Variants in KIAA1549 observed in about 807,000 individuals in gnomAD.
The protein encoded by KIAA1549 is KIAA1549, also known as UPF0606 protein KIAA1549.
A neutral mutation model predicts 156.4 loss-of-function variants in KIAA1549; 70 were observed. The ratio of observed to expected loss-of-function variants is 0.45; its 90% CI spans 0.37 to 0.55. KIAA1549 has a LOEUF of 0.55. Among genes scored for constraint, KIAA1549 ranks in the 20% least tolerant of loss-of-function variants. The pLI is 0.00. For synonymous variants in KIAA1549, 1,103 were observed against 1,066.4 expected, an observed-to-expected ratio of 1.03 and a Z score of -0.67; for missense variants, 2,428 against 2,540.9, an observed-to-expected ratio of 0.96 and a Z score of 0.96.
intron 5 of KIAA1549, among the ~76,000 whole-genome samples, chr7:138,907,672 C>T (rs1177755067): frequency 1.2e-4 from 19 of 152,134 alleles, no homozygotes; most frequent in African/African-American, 3.1e-4. Context: ...CTTCCTCCTC[C>T]GTCCTTCCTA....
intron 15 of KIAA1549, among the ~76,000 whole-genome samples, chr7:138,864,468 T>C (rs1810677165): frequency 6.6e-6 from 1 of 152,228 alleles, no homozygotes; most frequent in South Asian, 2.1e-4. Context: ...CTCCTCATTT[T>C]GCAGGCGAGA....
At chr7:138,876,481 A>C (rs1052526945) in intron 12 of KIAA1549, 1 of 152,242 alleles carries the variant, frequency 6.6e-6, no homozygotes, top group Non-Finnish European at 1.5e-5. Flanking sequence ...GCTCCTTAGC[A>C]CATGCAAAAG....
At position 138,916,814 on chromosome 7, in the gene KIAA1549, G is replaced by A. The variant is rs746434301; in HGVS notation, c.2812C>T (p.Leu938=). The part of the protein sequence containing the change: ...TLEATVDTPT[L]ATAKPPYVCD... ...ACATATGGCGGCTTGGCAGTAGCCA[G>A]TGTTGGTGTGTCGACTGTTGCTTCG... Residue 938 remains leucine, a synonymous_variant, in exon 2 of 20, where the codon CTG becomes TTG. Transcript: ENST00000422774. 1 of 1,614,014 alleles carries A rather than the reference G, an allele frequency of 6.2e-7. No individual in the cohort carries two copies.
At position 138,844,486 on chromosome 7, in the gene KIAA1549, G is replaced by C; in HGVS notation, c.5295-12C>G. ...GGCCAAAACCTGGTCTGAAGGCAAA[G>C]CAAACCAGCACATCAGGACTCCACT... On this transcript the variant is annotated splice_polypyrimidine_tract_variant and intron_variant, in intron 17 of 19. Transcript: ENST00000422774. 2.0e-6 allele frequency: 3 copies of C among 1,520,944 alleles called. No homozygotes were observed. The highest frequency in any genetic ancestry group is 2.6e-6 in the Non-Finnish European group (3 of 1,137,346). The allele number at this position is 1,520,944 out of a possible 1,614,324, so 94.2% of individuals were successfully genotyped here.
At chr7:138,862,228 C>T (rs1311095580) in intron 15 of KIAA1549, among the ~76,000 whole-genome samples, 1 of 152,088 alleles carries the variant, frequency 6.6e-6, no homozygotes, top group African/African-American at 2.4e-5. Flanking sequence ...GGTGCAGTGG[C>T]TCACACCTGT....
intron 1 of KIAA1549, among the ~76,000 whole-genome samples, chr7:138,923,518 T>G (rs969977859): frequency 6.6e-6 from 1 of 151,944 alleles, no homozygotes; most frequent in African/African-American, 2.4e-5. Context: ...GAGAATCACA[T>G]GAACCCGGGA....
chr7:138,958,500 G>T (rs1380041436), intron 1 of KIAA1549, among the ~76,000 whole-genome samples: 1 of 152,192 alleles, frequency 6.6e-6, no homozygotes, highest in African/African-American at 2.4e-5. Context: ...CAGGGCCACA[G>T]AAGTGGAAAC....
rs757022718 is a variant in KIAA1549, at chr7:138,861,288, G to A, written c.5098C>T (p.Pro1700Ser). Residue 1700 changes from proline to serine, a missense_variant, in exon 16 of 20, where the codon CCC becomes TCC. Pro to Ser is a moderately conservative substitution (Grantham distance 74). Transcript: ENST00000422774. ...LLDDAFALVA[P>S]SSQPASTAGV... is the part of the protein sequence containing the mutation. ...GCGGTGCTGGCAGGCTGGCTGCTGGGGGCCACGAGGGCAAAGGCGTCGTCC... is the reference window on the plus strand; with the variant it reads ...GCGGTGCTGGCAGGCTGGCTGCTGGAGGCCACGAGGGCAAAGGCGTCGTCC... The A allele has an allele frequency of 5.6e-6, 9 of 1,608,144 alleles. No individual in the cohort carries two copies. Among genetic ancestry groups the A allele is most frequent in the East Asian group, 2.2e-5 (1 of 44,834 alleles).
chr7:138,946,959 C>T (rs1437256050), intron 1 of KIAA1549, among the ~76,000 whole-genome samples: 2 of 152,160 alleles, frequency 1.3e-5, no homozygotes, highest in African/African-American at 4.8e-5. Flanking sequence ...CTGATGGGAG[C>T]AGGTAAACAA....
chr7:138,942,908 CAAAA>C (rs34506092), intron 1 of KIAA1549, among the ~76,000 whole-genome samples: 1 of 138,804 alleles, frequency 7.2e-6, no homozygotes, highest in Non-Finnish European at 1.6e-5. Context: ...GACTCCGTCT[CAAAA>C]AAAAAAAAAA....
In KIAA1549 at chr7:138,911,309, A is replaced by T. The variant is rs1365306650; in HGVS notation, c.2982T>A (p.Phe994Leu). 1 of 1,592,844 alleles carries T rather than the reference A, an allele frequency of 6.3e-7. No individual in the cohort carries two copies. Among genetic ancestry groups the T allele is most frequent in the South Asian group, 1.1e-5 (1 of 87,470 alleles). The change falls in exon 4 of 20, where the codon TTT becomes TTA. Residue 994 changes from phenylalanine to leucine, a missense_variant. Around this residue, in one of 5 missense-constraint regions of KIAA1549, gnomAD observed 762 missense variants for 901.6 expected, o/e 0.85. Transcript: ENST00000422774. The part of the protein sequence containing the change: ...RAVELKVYEL[F>L]TDFTFLVTSG... ...ATGTTACCAGAAAAGTGAAGTCAGT[A>T]AATAGTTCGTAAACCTAGGGAAATA...
Position 138,903,792 on chromosome 7 carries a change from AGTGTGTGTGTGTGTGTGTGTGT to A in KIAA1549, c.3521-78_3521-57del, listed in dbSNP as rs55745123. 7.4e-3 allele frequency: 8,908 copies of A among 1,196,892 alleles called. 146 individuals carry two copies. Among genetic ancestry groups the A allele is most frequent in the African/African-American group, 0.021 (1,332 of 63,692 alleles). The allele number at this position is 1,196,892 out of a possible 1,614,324, so 74.1% of individuals were successfully genotyped here. A position where few individuals can be genotyped will look rare whatever the true frequency, so the allele number is the denominator to read the frequency against. ...CAAAACAAGTCAGCAGTAAAAAAAC[AGTGTGTGTGTGTGTGTGTGTGT>A]GTGTGTGTGTGTGTGTGTGTGTGTG... On this transcript the variant is annotated intron_variant, in intron 7 of 19. Coordinates refer to ENST00000422774, the MANE Select transcript of KIAA1549 (RefSeq NM_001164665.2).
chr7:138,896,968 T>C (rs1303935799), intron 9 of KIAA1549, among the ~76,000 whole-genome samples: 1 of 152,128 alleles, frequency 6.6e-6, no homozygotes, highest in Admixed American at 6.5e-5. Flanking sequence ...CTGACACCAG[T>C]GTCCTGGGGC....
At position 138,937,108 on chromosome 7, in the gene KIAA1549, G is replaced by A. The variant is rs140068721; in HGVS notation, c.188-17670C>T. 3.2e-3 allele frequency among the ~76,000 whole-genome samples: 479 copies of A among 152,030 alleles called. 1 individual carries two copies. The highest frequency in any genetic ancestry group is 0.011 in the African/African-American group (450 of 41,462). On this transcript the variant is annotated intron_variant, in intron 1 of 19. Transcript: ENST00000422774. ...CAAGAGCCTTCAGCTCCCCGTTCCC[G>A]CCTGTGCCATTAGTATTACCCTCCC...
chr7:138,841,927 T>C (rs1396437635), intron 18 of KIAA1549, among the ~76,000 whole-genome samples: 1 of 152,028 alleles, frequency 6.6e-6, no homozygotes, highest in Non-Finnish European at 1.5e-5. Flanking sequence ...GATGGTTTTA[T>C]TCGGATATTT....
chr7:138,910,700 A>ATTTT (rs10686011), intron 4 of KIAA1549, among the ~76,000 whole-genome samples: 21,054 of 111,688 alleles, frequency 0.19, 2,404 homozygotes, highest in Non-Finnish European at 0.21. Context: ...ACTTGGTCTA[A>ATTTT]TTTTTTTTTT....
At chr7:138,892,594 T>C (rs112223976) in intron 10 of KIAA1549, among the ~76,000 whole-genome samples, 1 of 152,172 alleles carries the variant, frequency 6.6e-6, no homozygotes, top group African/African-American at 2.4e-5. Flanking sequence ...TAAACAAAGA[T>C]AGGCAACAAA....
chr7:138,912,372 C>CT lies in KIAA1549; in HGVS notation c.2966dup (p.Val990GlyfsTer7). 1 of 1,613,072 alleles carries CT rather than the reference C, an allele frequency of 6.2e-7. No individual in the cohort carries two copies. ...ACACTCCTGAGCCACCAGGACTCAC[C>CT]TTCAGTTCCACTGCACGGTTGAAGT... On this transcript the variant is annotated frameshift_variant and splice_region_variant, in exon 3 of 20. Transcript: ENST00000422774. LOFTEE classifies it high-confidence loss of function.
chr7:138,880,884 A>G (rs916536052), intron 11 of KIAA1549, among the ~76,000 whole-genome samples: 2 of 152,210 alleles, frequency 1.3e-5, no homozygotes, highest in African/African-American at 4.8e-5. Context: ...GACATACATA[A>G]GCAGCCAGAG....
Sources: allele counts gnomAD v4.1 joint callset (sites outside exome capture counted in the v4.1 genomes callset), GRCh38; gene constraint gnomAD v4.1.1; regional missense constraint gnomAD v4.1.1; transcripts MANE v1.5; gene names NCBI Gene and HGNC (gene_info 2026-07-23, HGNC 2026-07-21).